UBASH3B: variants seen among roughly 807,000 people sequenced by gnomAD.
UBASH3B encodes the protein ubiquitin-associated and SH3 domain-containing protein B.
In UBASH3B, 37 loss-of-function variants were observed where a neutral mutation model predicts 83.4. That is an observed-to-expected ratio of 0.44 (90% CI 0.34 to 0.58). The LOEUF (loss-of-function observed/expected upper bound fraction) is 0.58, where lower values mean the gene tolerates loss of function less well. Among genes scored for constraint, UBASH3B ranks in the 20% least tolerant of loss-of-function variants. The probability of loss-of-function intolerance (pLI) is 0.01; values close to 1 mark genes in which losing one functional copy is unlikely to be tolerated. For missense variants in UBASH3B, 657 were observed against 827.2 expected, an observed-to-expected ratio of 0.79 and a Z score of 2.52; for synonymous variants, 304 against 318.3, an observed-to-expected ratio of 0.96 and a Z score of 0.48.
intron 10 of UBASH3B, 120 bp from the exon 11 acceptor site, chr11:122,801,068 G>A: frequency 1.6e-6 from 2 of 1,232,550 alleles, no homozygotes; most frequent in Admixed American, 2.4e-5. Flanking sequence ...TTCCATTTCT[G>A]TTTAGCTATA....
intron 1 of UBASH3B, among the ~76,000 whole-genome samples, chr11:122,770,339 T>C (rs567082181): frequency 1.4e-4 from 22 of 152,350 alleles, no homozygotes. Context: ...TGTCAGATAT[T>C]TGAGTTTTAT....
chr11:122,688,984 G>T (rs1056656215), intron 1 of UBASH3B, among the ~76,000 whole-genome samples: 3 of 150,756 alleles, frequency 2.0e-5, no homozygotes, highest in Admixed American at 6.6e-5. Flanking sequence ...GAGGCGGGGG[G>T]GGGGGGGGTT....
chr11:122,666,766 T>A (rs188901983), intron 1 of UBASH3B, among the ~76,000 whole-genome samples: 1 of 152,044 alleles, frequency 6.6e-6, no homozygotes, highest in African/African-American at 2.4e-5. Context: ...ATTGCTCATT[T>A]TTTTCCCCTC....
At chr11:122,701,414 C>T (rs891994832) in intron 1 of UBASH3B, among the ~76,000 whole-genome samples, 6 of 152,164 alleles carry the variant, frequency 3.9e-5, no homozygotes, top group Admixed American at 1.3e-4. Context: ...TTAATGAGAA[C>T]GAGGCTCTTG....
intron 1 of UBASH3B, among the ~76,000 whole-genome samples, chr11:122,675,416 G>A (rs981945135): frequency 4.6e-5 from 7 of 152,200 alleles, no homozygotes; most frequent in Non-Finnish European, 7.3e-5. Context: ...GATGCTCAGC[G>A]TTCTGTGGCA....
intron 1 of UBASH3B, among the ~76,000 whole-genome samples, chr11:122,739,759 A>C (rs1860995021): frequency 1.3e-5 from 2 of 152,214 alleles, no homozygotes; most frequent in Non-Finnish European, 2.9e-5. Flanking sequence ...AATTGTCTTG[A>C]TGCAAGAGTT....
intron 1 of UBASH3B, among the ~76,000 whole-genome samples, chr11:122,673,576 G>A (rs145248271): frequency 0.024 from 3,592 of 152,198 alleles, 71 homozygotes; most frequent in East Asian, 0.069. Flanking sequence ...GGAGAATGGC[G>A]TGAACCCGGG....
chr11:122,760,654 C>A lies in UBASH3B; in HGVS notation c.162-15565C>A, dbSNP rs1861356298. On this transcript the variant is annotated intron_variant, in intron 1 of 13. Transcript: ENST00000284273. ...GGGATTACAGGTGTGAGCCACTGCA[C>A]CCAGCCCCAGAGAAAGGTTTTAAGT... Among the ~76,000 whole-genome samples the A allele has an allele frequency of 2.6e-5, 4 of 152,164 alleles. No homozygotes were observed. The South Asian group carries it at 8.3e-4, about 32-fold the overall frequency.
intron 1 of UBASH3B, among the ~76,000 whole-genome samples, chr11:122,699,543 T>TTC (rs749720457): frequency 9.0e-5 from 12 of 133,068 alleles, no homozygotes; most frequent in African/African-American, 3.6e-4. Flanking sequence ...CTTTCTTTCT[T>TTC]TCTTTCTTTC....
At chr11:122,661,869 A>G (rs527806487) in intron 1 of UBASH3B, among the ~76,000 whole-genome samples, 3 of 151,046 alleles carry the variant, frequency 2.0e-5, no homozygotes, top group Admixed American at 1.3e-4. Flanking sequence ...CAAAAAAAAA[A>G]AAAACAAAAA....
At chr11:122,770,013 G>A (rs961336820) in intron 1 of UBASH3B, among the ~76,000 whole-genome samples, 2 of 152,234 alleles carry the variant, frequency 1.3e-5, no homozygotes, top group African/African-American at 2.4e-5. Context: ...GCTACATGAA[G>A]GAAAGATATA....
rs1194620963 is a variant in UBASH3B at position 122,801,341 on chromosome 11, C to G, written c.1595+9C>G. The G allele has an allele frequency of 6.2e-7, 1 of 1,613,028 alleles. No individual in the cohort carries two copies. The highest frequency in any genetic ancestry group is 1.7e-5 in the Admixed American group (1 of 59,978). ...GTTGATACAACCTACAGGTAAGCCT[C>G]GGAAACTGCTGCTTACTGAGGCCAG... is the stretch of plus-strand genomic sequence containing the variant. On this transcript the variant is annotated intron_variant, in intron 11 of 13. Transcript: ENST00000284273.
intron 1 of UBASH3B, among the ~76,000 whole-genome samples, chr11:122,683,709 A>C (rs1863773503): frequency 6.6e-6 from 1 of 151,072 alleles, no homozygotes; most frequent in Non-Finnish European, 1.5e-5. Context: ...GTCAGTGATC[A>C]CATATCCTCA....
At chr11:122,675,130 C>T (rs1863651130) in intron 1 of UBASH3B, among the ~76,000 whole-genome samples, 1 of 152,212 alleles carries the variant, frequency 6.6e-6, no homozygotes. Flanking sequence ...CCCAAGTTTT[C>T]CTGGCTCCAA....
At chr11:122,666,390 CGTTTTT>C (rs1863519362) in intron 1 of UBASH3B, among the ~76,000 whole-genome samples, 1 of 145,966 alleles carries the variant, frequency 6.9e-6, no homozygotes, top group Non-Finnish European at 1.5e-5. Context: ...TCTGCAGTTT[CGTTTTT>C]GTTTTTTTTT....
chr11:122,757,889 T>C (rs1019748818), intron 1 of UBASH3B, among the ~76,000 whole-genome samples: 1 of 151,942 alleles, frequency 6.6e-6, no homozygotes, highest in African/African-American at 2.4e-5. Context: ...AATTTTTGTA[T>C]TTTTAGTAGA....
intron 6 of UBASH3B, among the ~76,000 whole-genome samples, chr11:122,789,914 C>T (rs753635311): frequency 4.6e-5 from 7 of 152,216 alleles, no homozygotes; most frequent in Non-Finnish European, 7.3e-5. Context: ...TTCCACCCGT[C>T]CCTCATTACT....
chr11:122,799,055 A>C, intron 10 of UBASH3B, 21 bp downstream of exon 10: 1 of 1,601,474 alleles, frequency 6.2e-7, no homozygotes, highest in Non-Finnish European at 8.6e-7. Context: ...CAGGTTGACA[A>C]AAACAAGTAG....
chr11:122,712,469 T>C (rs1359640848), intron 1 of UBASH3B, among the ~76,000 whole-genome samples: 2 of 152,096 alleles, frequency 1.3e-5, no homozygotes, highest in African/African-American at 2.4e-5. Flanking sequence ...GCAGCCCAAA[T>C]GGACCCAGGG....
Sources: gnomAD v4.1 joint callset for allele counts (sites outside exome capture counted in the v4.1 genomes callset) on GRCh38, gnomAD v4.1.1 for gene constraint, MANE v1.5 for transcripts, NCBI Gene and HGNC (gene_info 2026-07-23, HGNC 2026-07-21) for gene names.